Variants in LYRM4 observed in about 807,000 individuals in gnomAD.
The protein encoded by LYRM4 is LYR motif-containing protein 4.
LYRM4 carries 9 observed loss-of-function variants against 11.7 expected under a neutral mutation model. The ratio of observed to expected loss-of-function variants is 0.77; its 90% CI spans 0.46 to 1.34. LYRM4 has a LOEUF of 1.34. Among genes scored for constraint, LYRM4 ranks in the 40% most tolerant of loss-of-function variants. The pLI, the probability that LYRM4 is intolerant of heterozygous loss-of-function variation, is 0.00. For synonymous variants in LYRM4, 42 were observed against 40.4 expected (o/e 1.04, Z -0.15); for missense variants, 133 against 112.5 (o/e 1.18, Z -0.82).
intron 2 of LYRM4, chr6:5,136,871 C>T (rs1757127071): frequency 1.0e-6 from 1 of 964,196 alleles, no homozygotes; most frequent in African/African-American, 1.8e-5. Context: ...TCAAATCTAT[C>T]CAATTAAAGT....
At chr6:5,231,299 G>A (rs1482528179) in intron 1 of LYRM4, among the ~76,000 whole-genome samples, 1 of 152,132 alleles carries the variant, frequency 6.6e-6, no homozygotes, top group Non-Finnish European at 1.5e-5. Flanking sequence ...CAAACCAGGT[G>A]GTAACTAAAA....
chr6:5,098,660 T>C (rs1762409956), downstream of LYRM4, among the ~76,000 whole-genome samples: 1 of 152,164 alleles, frequency 6.6e-6, no homozygotes, highest in Non-Finnish European at 1.5e-5. Context: ...CAACAGCCCA[T>C]CTGAGGCAGG....
At chr6:5,168,162 A>C (rs530617001) in intron 2 of LYRM4, among the ~76,000 whole-genome samples, 201 of 152,212 alleles carry the variant, frequency 1.3e-3, no homozygotes, top group African/African-American at 4.6e-3. Flanking sequence ...AGGAAAGAAG[A>C]AGCTCTTCTT....
At chr6:5,096,585 A>T in the LYRM4 span, among the ~76,000 whole-genome samples, 2 of 152,148 alleles carry the variant, frequency 1.3e-5, no homozygotes, top group African/African-American at 2.4e-5. Flanking sequence ...CTGTGTGGGG[A>T]TGAGACACTG....
chr6:5,156,237 C>T (rs1318216121), intron 2 of LYRM4, among the ~76,000 whole-genome samples: 1 of 152,216 alleles, frequency 6.6e-6, no homozygotes, highest in African/African-American at 2.4e-5. Flanking sequence ...GCTCACAGCC[C>T]CTTTTTCTGC....
At chr6:5,111,733 T>C (rs112529954) in intron 2 of LYRM4, among the ~76,000 whole-genome samples, 2,092 of 152,306 alleles carry the variant, frequency 0.014, 31 homozygotes, top group South Asian at 0.088. Flanking sequence ...GGTGGCACCC[T>C]GGAAAGGCCC....
Position 5,229,058 on chromosome 6 carries a change from T to C in LYRM4, c.87-12320A>G, listed in dbSNP as rs192329183. 5.5e-4 allele frequency among the ~76,000 whole-genome samples: 44 copies of C among 79,722 alleles called. 1 individual carries two copies. The highest frequency in any genetic ancestry group is 2.2e-3 in the East Asian group (7 of 3,212). 52.3% of individuals were successfully genotyped at this position (79,722 alleles called of 152,430 possible). A position where few individuals can be genotyped will look rare whatever the true frequency, so the allele number is the denominator to read the frequency against. On this transcript the variant is annotated intron_variant, in intron 1 of 2. Coordinates refer to ENST00000330636, the MANE Select transcript of LYRM4 (RefSeq NM_020408.6). ...TTCCTAATAGCCCAGAAAAGGAAAATAGTACAGTTCCCATGAGAAAATAGG... is the reference window on the plus strand; with the variant it reads ...TTCCTAATAGCCCAGAAAAGGAAAACAGTACAGTTCCCATGAGAAAATAGG...
the LYRM4 span, among the ~76,000 whole-genome samples, chr6:5,092,969 G>A: frequency 6.6e-6 from 1 of 152,206 alleles, no homozygotes; most frequent in East Asian, 1.9e-4. Flanking sequence ...ATCCAACTGG[G>A]TGTGAAGGTC....
the LYRM4 span, chr6:5,086,154 G>C: frequency 1.3e-6 from 2 of 1,521,434 alleles, no homozygotes; most frequent in Non-Finnish European, 1.8e-6. Flanking sequence ...TGGAGCGCGT[G>C]CAGTGCTCGA....
chr6:5,232,169 C>T (rs1369810339), intron 1 of LYRM4, among the ~76,000 whole-genome samples: 2 of 152,212 alleles, frequency 1.3e-5, no homozygotes, highest in African/African-American at 4.8e-5. Context: ...ATAATATAAA[C>T]TGGACTCTTA....
chr6:5,145,355 C>T (rs115233199), intron 2 of LYRM4, among the ~76,000 whole-genome samples: 12 of 152,356 alleles, frequency 7.9e-5, no homozygotes, highest in African/African-American at 1.2e-4. Context: ...AGTGCCTTAT[C>T]GCCCTCACGC....
At chr6:5,144,493 C>T (rs547091468) in intron 2 of LYRM4, among the ~76,000 whole-genome samples, 69 of 151,864 alleles carry the variant, frequency 4.5e-4, no homozygotes, top group African/African-American at 1.6e-3. Context: ...AAAAATTAGC[C>T]GGGCATGGCG....
At chr6:5,225,929 T>C (rs1351900630) in intron 1 of LYRM4, among the ~76,000 whole-genome samples, 1 of 152,238 alleles carries the variant, frequency 6.6e-6, no homozygotes, top group Non-Finnish European at 1.5e-5. Context: ...TGCCTTTTTC[T>C]CATCATGTAT....
At chr6:5,071,542 A>ATG in the LYRM4 span, among the ~76,000 whole-genome samples, 4,136 of 150,290 alleles carry the variant, frequency 0.028, 163 homozygotes, top group African/African-American at 0.091. Flanking sequence ...TTATATATAT[A>ATG]TGTGTGTGTG....
At chr6:5,228,053 T>C (rs1053527198) in intron 1 of LYRM4, among the ~76,000 whole-genome samples, 5 of 152,088 alleles carry the variant, frequency 3.3e-5, no homozygotes, top group Admixed American at 6.6e-5. Flanking sequence ...AAAACCTAGA[T>C]GATGGGTTGA....
intron 2 of LYRM4, among the ~76,000 whole-genome samples, chr6:5,169,406 C>T (rs1759286011): frequency 6.6e-6 from 1 of 152,170 alleles, no homozygotes; most frequent in African/African-American, 2.4e-5. Context: ...TATTTTCAAG[C>T]AGGAATCCCT....
chr6:5,145,614 A>T (rs756261567), intron 2 of LYRM4, among the ~76,000 whole-genome samples: 1 of 152,228 alleles, frequency 6.6e-6, no homozygotes, highest in Non-Finnish European at 1.5e-5. Flanking sequence ...CTTATGAGGA[A>T]AAAACATCAC....
At chr6:5,065,838 C>G in the LYRM4 span, 1 of 297,230 alleles carries the variant, frequency 3.4e-6, no homozygotes, top group Non-Finnish European at 6.1e-6. Context: ...TTTATAAGCA[C>G]AATCTTTGGA....
chr6:5,147,755 G>A (rs1757806836), intron 2 of LYRM4, among the ~76,000 whole-genome samples: 1 of 151,668 alleles, frequency 6.6e-6, no homozygotes, highest in East Asian at 2.0e-4. Context: ...TTGTTAGCAG[G>A]CCAAGTCAGA....
Sources: allele counts gnomAD v4.1 joint callset (sites outside exome capture counted in the v4.1 genomes callset), GRCh38; gene constraint gnomAD v4.1.1; transcripts MANE v1.5; gene names NCBI Gene and HGNC (gene_info 2026-07-23, HGNC 2026-07-21).